Variants in RYR2 observed in about 807,000 individuals in gnomAD.
The protein encoded by RYR2 is ryanodine receptor 2, also known as cardiac muscle ryanodine receptor-calcium release channel.
RYR2 carries 227 observed loss-of-function variants against 601.1 expected under a neutral mutation model. The observed-to-expected ratio is 0.38, with a 90% CI of 0.34 to 0.42. RYR2 has a LOEUF of 0.42. Among genes scored for constraint, RYR2 ranks in the 10% least tolerant of loss-of-function variants. The pLI is 1.00. For missense variants in RYR2, 4,646 were observed against 6,156.5 expected, an observed-to-expected ratio of 0.75 and a Z score of 8.21; for synonymous variants, 2,223 against 2,175.1, an observed-to-expected ratio of 1.02 and a Z score of -0.61.
In RYR2 at chr1:237,511,717, A is replaced by T; in HGVS notation, c.2748A>T (p.Pro916=). 1 of 1,573,832 alleles carries T rather than the reference A, an allele frequency of 6.4e-7. No individual in the cohort carries two copies. Among genetic ancestry groups the T allele is most frequent in the Non-Finnish European group, 8.6e-7 (1 of 1,157,864 alleles). ...PVRDDNKRQH[P]CLVEFSKLPE... is the part of the protein sequence containing the mutation. Reference sequence around the variant, plus strand: ...GAGATGACAACAAGAGACAACACCCATGCCTGGTGGAGTTCTCCAAGCTGC... The same window carrying T: ...GAGATGACAACAAGAGACAACACCCTTGCCTGGTGGAGTTCTCCAAGCTGC... Residue 916 remains proline, a synonymous_variant, in exon 24 of 105, where the codon CCA becomes CCT. Coordinates refer to ENST00000366574, the MANE Select transcript of RYR2 (RefSeq NM_001035.3).
chr1:237,809,992 C>T (rs527511576), intron 100 of RYR2, among the ~76,000 whole-genome samples: 4 of 145,984 alleles, frequency 2.7e-5, no homozygotes, highest in South Asian at 2.3e-4. Context: ...TGGATGCCAA[C>T]CTTGCTTTTT....
chr1:237,429,575 C>T (rs575359565), intron 12 of RYR2, among the ~76,000 whole-genome samples: 11 of 152,312 alleles, frequency 7.2e-5, no homozygotes, highest in African/African-American at 2.6e-4. Flanking sequence ...AAAATCCTCC[C>T]TTTCCTGCAG....
intron 2 of RYR2, among the ~76,000 whole-genome samples, chr1:237,316,958 G>A (rs191276810): frequency 1.6e-3 from 250 of 152,216 alleles, no homozygotes; most frequent in African/African-American, 5.9e-3. Flanking sequence ...AAGGGGGTTC[G>A]TGTGGGTCAC....
intron 83 of RYR2, 88 bp downstream of exon 83, chr1:237,759,940 T>C: frequency 1.2e-6 from 1 of 802,376 alleles, no homozygotes; most frequent in Non-Finnish European, 2.1e-6. Context: ...TAATTGCACA[T>C]AGAAGAATAG....
intron 10 of RYR2, among the ~76,000 whole-genome samples, chr1:237,393,313 G>A (rs1385332014): frequency 1.3e-5 from 2 of 152,158 alleles, no homozygotes; most frequent in African/African-American, 4.8e-5. Flanking sequence ...AAAAAGCTAT[G>A]CCATGTGTAT....
At chr1:237,445,779 TA>T (rs1708277159) in intron 14 of RYR2, among the ~76,000 whole-genome samples, 1 of 152,100 alleles carries the variant, frequency 6.6e-6, no homozygotes, top group South Asian at 2.1e-4. Flanking sequence ...ATTTAATGAC[TA>T]CTTTTCCTTG....
intron 29 of RYR2, among the ~76,000 whole-genome samples, chr1:237,578,923 C>T (rs1342487029): frequency 6.6e-6 from 1 of 152,130 alleles, no homozygotes; most frequent in Admixed American, 6.5e-5. Flanking sequence ...TGGTCTCTTC[C>T]TTGATGACCT....
intron 100 of RYR2, among the ~76,000 whole-genome samples, chr1:237,817,944 C>T (rs1475458535): frequency 6.6e-6 from 1 of 152,236 alleles, no homozygotes; most frequent in East Asian, 1.9e-4. Flanking sequence ...AATTTAGGCC[C>T]TACAGGATGA....
chr1:237,136,632 G>A lies in RYR2; in HGVS notation c.48+94063G>A, dbSNP rs562605315. On this transcript the variant is annotated intron_variant, in intron 1 of 104. Transcript: ENST00000366574. Reference sequence around the variant, plus strand: ...ATGGGAAGGGGAATATTGGCAAGAGGGAGAAGGTTTTCCTGTTCAAGCATA... The same window carrying A: ...ATGGGAAGGGGAATATTGGCAAGAGAGAGAAGGTTTTCCTGTTCAAGCATA... Among the ~76,000 whole-genome samples, 3 of 152,254 alleles carry A rather than the reference G, an allele frequency of 2.0e-5. No homozygotes were observed. In the East Asian group the frequency reaches 5.8e-4, roughly 29 times the overall value.
At chr1:237,532,474 A>G (rs1572747700) in intron 25 of RYR2, among the ~76,000 whole-genome samples, 1 of 152,092 alleles carries the variant, frequency 6.6e-6, no homozygotes, top group East Asian at 1.9e-4. Flanking sequence ...AAAAATTGGA[A>G]TCTACCTAAC....
intron 10 of RYR2, among the ~76,000 whole-genome samples, chr1:237,411,668 A>T (rs1216143491): frequency 6.6e-6 from 1 of 152,182 alleles, no homozygotes; most frequent in Non-Finnish European, 1.5e-5. Flanking sequence ...GTAACCCAGT[A>T]AAAATTATTC....
chr1:237,613,682 G>T (rs1384703351), intron 36 of RYR2, among the ~76,000 whole-genome samples: 2 of 152,150 alleles, frequency 1.3e-5, no homozygotes. Context: ...AAAATTAAAA[G>T]AAGACACAGG....
intron 11 of RYR2, among the ~76,000 whole-genome samples, chr1:237,422,379 T>A (rs1312736635): frequency 6.6e-6 from 1 of 152,206 alleles, no homozygotes; most frequent in Non-Finnish European, 1.5e-5. Context: ...CAACATTCAG[T>A]ATCCTTCAAA....
rs76843087 is a variant in RYR2 at position 237,560,051 on chromosome 1, A to T, written c.3215-6516A>T. On this transcript the variant is annotated intron_variant, in intron 27 of 104. Transcript: ENST00000366574. ...CCTTCAACACTCAACCAGGCAATTT[A>T]TAATTTCACATTAGCCTTCTCTTAC... Among the ~76,000 whole-genome samples the T allele has an allele frequency of 5.2e-5, 8 of 152,392 alleles. No homozygotes were observed. In the East Asian group the frequency reaches 7.7e-4, roughly 15 times the overall value.
At chr1:237,376,186 A>G (rs1385341181) in intron 7 of RYR2, among the ~76,000 whole-genome samples, 1 of 152,252 alleles carries the variant, frequency 6.6e-6, no homozygotes, top group African/African-American at 2.4e-5. Context: ...ATGAATGAAG[A>G]TAAAGAATTC....
At chr1:237,599,808 CA>C (rs56123861) in intron 34 of RYR2, among the ~76,000 whole-genome samples, 3,859 of 107,798 alleles carry the variant, frequency 0.036, 78 homozygotes, top group African/African-American at 0.12. Context: ...GACTCCATCT[CA>C]AAAAAAAAAA....
At chr1:237,334,430 G>A (rs1245396577) in intron 3 of RYR2, among the ~76,000 whole-genome samples, 1 of 135,854 alleles carries the variant, frequency 7.4e-6, no homozygotes, top group African/African-American at 2.7e-5. Context: ...TAAAATGTCT[G>A]TTTAATTAAA....
intron 79 of RYR2, among the ~76,000 whole-genome samples, chr1:237,734,736 T>C (rs1690990572): frequency 6.6e-6 from 1 of 152,134 alleles, no homozygotes; most frequent in Non-Finnish European, 1.5e-5. Context: ...ACCAGAATAA[T>C]TACAGGCCTG....
At chr1:237,206,135 T>C (rs1226138414) in intron 1 of RYR2, among the ~76,000 whole-genome samples, 1 of 152,014 alleles carries the variant, frequency 6.6e-6, no homozygotes, top group Non-Finnish European at 1.5e-5. Flanking sequence ...TTCTGGACAG[T>C]GCTTTGGCTC....
Sources: allele counts gnomAD v4.1 joint callset (sites outside exome capture counted in the v4.1 genomes callset), GRCh38; gene constraint gnomAD v4.1.1; transcripts MANE v1.5; gene names NCBI Gene and HGNC (gene_info 2026-07-23, HGNC 2026-07-21).